Variants in MARCHF10 observed in about 807,000 individuals in gnomAD.
The protein encoded by MARCHF10 is membrane associated ring-CH-type finger 10.
A neutral mutation model predicts 76.2 loss-of-function variants in MARCHF10; 64 were observed. That is an observed-to-expected ratio of 0.84 (90% CI 0.69 to 1.03). The LOEUF (loss-of-function observed/expected upper bound fraction) is 1.03. Ranked by LOEUF, MARCHF10 falls within the 50% of genes least tolerant of loss-of-function variation. MARCHF10 has a pLI of 0.00. For missense variants in MARCHF10, 875 were observed against 958.0 expected, an observed-to-expected ratio of 0.91 and a Z score of 1.14; for synonymous variants, 340 against 357.5, an observed-to-expected ratio of 0.95 and a Z score of 0.55.
chr17:62,736,060 A>G lies in MARCHF10; in HGVS notation c.1808T>C (p.Phe603Ser). ...ATTTGGGAAATGAGACACTGCAAAG[A>G]AAGTAAATGGTGTATTTTCTTGCAG... is the stretch of plus-strand genomic sequence containing the variant. ...GSLQENTPFT[F>S]FAVSHFPNQN... Residue 603 changes from phenylalanine (F) to serine (S), a missense_variant, in exon 6 of 11, where the codon TTC (phenylalanine) becomes TCC (serine). Phe to Ser is a radical substitution (Grantham distance 155). Coordinates refer to ENST00000311269, the MANE Select transcript of MARCHF10 (RefSeq NM_152598.4). 1.2e-6 allele frequency: 2 copies of G among 1,614,218 alleles called. No homozygotes were observed. The highest frequency in any genetic ancestry group is 1.7e-6 in the Non-Finnish European group (2 of 1,180,030).
intron 3 of MARCHF10, among the ~76,000 whole-genome samples, chr17:62,768,052 C>T (rs2092373869): frequency 6.6e-6 from 1 of 152,182 alleles, no homozygotes; most frequent in South Asian, 2.1e-4. Context: ...TTGAAGACGG[C>T]AGAACCAGCA....
chr17:62,702,729 T>G (rs779559966), intron 10 of MARCHF10, among the ~76,000 whole-genome samples: 28 of 152,148 alleles, frequency 1.8e-4, no homozygotes, highest in Non-Finnish European at 3.8e-4. Context: ...TGGAAGAAAC[T>G]GTTGCACGGA....
chr17:62,792,249 GT>G (rs1435353800), intron 2 of MARCHF10, among the ~76,000 whole-genome samples: 1 of 151,940 alleles, frequency 6.6e-6, no homozygotes, highest in African/African-American at 2.4e-5. Context: ...GATGACGTGG[GT>G]TTTGTGACTC....
In MARCHF10 at chr17:62,736,792, G is replaced by A; in HGVS notation, c.1076C>T (p.Ala359Val). 6.2e-7 allele frequency: 1 copy of A among 1,614,122 alleles called. No individual in the cohort carries two copies. The highest frequency in any genetic ancestry group is 8.5e-7 in the Non-Finnish European group (1 of 1,180,022). Residue 359 changes from alanine to valine, a missense_variant, in exon 6 of 11, where the codon GCA (alanine) becomes GTA (valine). Ala to Val is a moderately conservative substitution (Grantham distance 64). Transcript: ENST00000311269. ...PSHGSLRISNAMEPATERPSA... is the reference protein window; with the variant it reads ...PSHGSLRISNVMEPATERPSA... ...AGGCCGCTCTGTTGCTGGCTCCATTGCATTGCTTATTCTCAATGAGCCATG... is the reference window on the plus strand; with the variant it reads ...AGGCCGCTCTGTTGCTGGCTCCATTACATTGCTTATTCTCAATGAGCCATG...
chr17:62,705,171 G>A (rs1599022664), intron 10 of MARCHF10: 1 of 1,195,704 alleles, frequency 8.4e-7, no homozygotes, highest in East Asian at 5.7e-5. Flanking sequence ...CTTGGGGAGG[G>A]TTTTCCTAGA....
chr17:62,715,566 C>T (rs2090151753), intron 8 of MARCHF10, among the ~76,000 whole-genome samples: 2 of 152,236 alleles, frequency 1.3e-5, no homozygotes, highest in African/African-American at 2.4e-5. Flanking sequence ...GTCCTGCTTC[C>T]AGGCGACAGC....
chr17:62,796,614 G>A (rs1412321239), intron 2 of MARCHF10, among the ~76,000 whole-genome samples: 2 of 152,194 alleles, frequency 1.3e-5, no homozygotes, highest in Non-Finnish European at 2.9e-5. Flanking sequence ...GAATGTCAAG[G>A]CAATTGGTTC....
Position 62,801,752 on chromosome 17 carries a change from C to T in MARCHF10, c.-17G>A. On this transcript the variant is annotated splice_region_variant and 5_prime_UTR_variant, in exon 2 of 11. Transcript: ENST00000311269. Reference sequence around the variant, plus strand: ...ATGCAACATGATTCCTAATCCCTGACCTGCACAGAAAAGATAAACAAATGT... The same window carrying T: ...ATGCAACATGATTCCTAATCCCTGATCTGCACAGAAAAGATAAACAAATGT... The T allele has an allele frequency of 3.1e-6, 5 of 1,608,764 alleles. No individual in the cohort carries two copies. Among genetic ancestry groups the T allele is most frequent in the Non-Finnish European group, 3.4e-6 (4 of 1,175,192 alleles).
chr17:62,778,682 CAAAAAAAA>C (rs71357038), intron 3 of MARCHF10, among the ~76,000 whole-genome samples: 2 of 100,828 alleles, frequency 2.0e-5, no homozygotes, highest in African/African-American at 7.2e-5. Flanking sequence ...GACTCTGTCT[CAAAAAAAA>C]AAAAAAAAAA....
At chr17:62,714,749 C>T (rs1340632615) in intron 8 of MARCHF10, among the ~76,000 whole-genome samples, 1 of 152,080 alleles carries the variant, frequency 6.6e-6, no homozygotes, top group Non-Finnish European at 1.5e-5. Flanking sequence ...CTCCCCTCCC[C>T]CTTCTCCTCT....
Position 62,744,381 on chromosome 17 carries a change from C to T in MARCHF10, c.530G>A (p.Gly177Glu). 1 of 1,613,656 alleles carries T rather than the reference C, an allele frequency of 6.2e-7. No individual in the cohort carries two copies. Among genetic ancestry groups the T allele is most frequent in the Non-Finnish European group, 8.5e-7 (1 of 1,179,904 alleles). The change falls in exon 5 of 11, where the codon GGA (glycine) becomes GAA (glutamate). Residue 177 changes from glycine to glutamate, a missense_variant. Gly to Glu is a moderately conservative substitution (Grantham distance 98). Coordinates refer to ENST00000311269, the MANE Select transcript of MARCHF10 (RefSeq NM_152598.4). ...QWPAKVPVPRGADQVVQQEGL... is the reference protein window; with the variant it reads ...QWPAKVPVPREADQVVQQEGL... ...CGGGAGCCCCGGGTCCTTACCTGCT[C>T]CCCTGGGAACCGGCACCTTTGCAGG...
intron 3 of MARCHF10, among the ~76,000 whole-genome samples, chr17:62,760,463 C>T (rs2092168179): frequency 6.6e-6 from 1 of 152,094 alleles, no homozygotes; most frequent in South Asian, 2.1e-4. Context: ...TAAATCAGAC[C>T]TCAGTTTCAA....
chr17:62,771,531 A>T (rs1277703103), intron 3 of MARCHF10, among the ~76,000 whole-genome samples: 1 of 151,956 alleles, frequency 6.6e-6, no homozygotes, highest in Non-Finnish European at 1.5e-5. Context: ...GAGGGATTTT[A>T]AGCAGGCAAA....
chr17:62,785,279 A>G (rs1047513790), intron 3 of MARCHF10, among the ~76,000 whole-genome samples: 6 of 152,122 alleles, frequency 3.9e-5, no homozygotes, highest in Non-Finnish European at 7.4e-5. Context: ...ATGGGGAAAT[A>G]ATTCCCTATT....
In MARCHF10 at chr17:62,736,321, A is replaced by G. The variant is rs368048660; in HGVS notation, c.1547T>C (p.Ile516Thr). The G allele has an allele frequency of 2.6e-5, 42 of 1,614,206 alleles. No individual in the cohort carries two copies. Among genetic ancestry groups the G allele is most frequent in the Admixed American group, 2.3e-4 (14 of 60,014 alleles). Residue 516 changes from isoleucine to threonine, a missense_variant, in exon 6 of 11, where the codon ATT (isoleucine) becomes ACT (threonine). Ile to Thr is a moderately conservative substitution (Grantham distance 89). Transcript: ENST00000311269. ...GFHVCQPLSP[I>T]RNRTPFASAE... The stretch of plus-strand genomic sequence containing the variant: ...ACTGGCAAATGGAGTCCTATTTCTA[A>G]TGGGAGACAGTGGTTGGCAAACATG...
chr17:62,724,188 T>TC (rs201865584), intron 7 of MARCHF10, among the ~76,000 whole-genome samples: 2,434 of 146,902 alleles, frequency 0.017, 51 homozygotes, highest in African/African-American at 0.057. Flanking sequence ...TTCCATGCAT[T>TC]TTTTTTTTTT....
intron 1 of MARCHF10, among the ~76,000 whole-genome samples, chr17:62,803,292 TAA>T (rs543363876): frequency 6.9e-6 from 1 of 145,570 alleles, no homozygotes; most frequent in African/African-American, 2.5e-5. Flanking sequence ...TGTCTGTATT[TAA>T]AAAAAAAAAA....
chr17:62,779,266 A>G (rs1217233802), intron 3 of MARCHF10, among the ~76,000 whole-genome samples: 1 of 152,230 alleles, frequency 6.6e-6, no homozygotes, highest in Non-Finnish European at 1.5e-5. Context: ...ATCAGCACAC[A>G]GGCCTAGGGC....
intron 9 of MARCHF10, among the ~76,000 whole-genome samples, chr17:62,710,271 GA>G (rs1380207310): frequency 1.3e-5 from 2 of 152,186 alleles, no homozygotes; most frequent in Non-Finnish European, 2.9e-5. Context: ...GTGGAATCAT[GA>G]AAATAAGGTT....
Sources: gnomAD v4.1 joint callset for allele counts (sites outside exome capture counted in the v4.1 genomes callset) on GRCh38, gnomAD v4.1.1 for gene constraint, MANE v1.5 for transcripts, NCBI Gene and HGNC (gene_info 2026-07-23, HGNC 2026-07-21) for gene names.